ANKS1B: variants seen among roughly 807,000 people sequenced by gnomAD.
ANKS1B encodes ankyrin repeat and sterile alpha motif domain-containing protein 1B.
ANKS1B carries 36 observed loss-of-function variants against 148.3 expected under a neutral mutation model. That is an observed-to-expected ratio of 0.24 (90% CI 0.19 to 0.32). The LOEUF is 0.32. Ranked by LOEUF, ANKS1B falls within the 10% of genes least tolerant of loss-of-function variation. ANKS1B has a pLI of 1.00. For synonymous variants in ANKS1B, 542 were observed against 560.8 expected, an observed-to-expected ratio of 0.97 and a Z score of 0.47; for missense variants, 1,157 against 1,542.6, an observed-to-expected ratio of 0.75 and a Z score of 4.19.
intron 14 of ANKS1B, among the ~76,000 whole-genome samples, chr12:99,167,937 A>C (rs185301864): frequency 9.2e-5 from 14 of 152,364 alleles, no homozygotes; most frequent in Admixed American, 9.2e-4. Context: ...CAGTGAAAGA[A>C]ACCAGACCAA....
intron 15 of ANKS1B, among the ~76,000 whole-genome samples, chr12:99,113,954 T>A (rs2060812323): frequency 6.6e-6 from 1 of 152,182 alleles, no homozygotes; most frequent in Admixed American, 6.5e-5. Flanking sequence ...ATACTCTAGG[T>A]TTTAGCTTCC....
intron 14 of ANKS1B, among the ~76,000 whole-genome samples, chr12:99,156,195 T>C (rs933534856): frequency 6.6e-6 from 1 of 152,114 alleles, no homozygotes. Context: ...CTGAAATCAG[T>C]CCCCAAATTC....
At chr12:98,736,567 A>T (rs57171434) in intron 9 of ANKS1B, among the ~76,000 whole-genome samples, 26,496 of 152,074 alleles carry the variant, frequency 0.17, 3,095 homozygotes, top group African/African-American at 0.34. Flanking sequence ...AAGCTCCACC[A>T]GGAGGTAGAA....
At chr12:99,306,856 T>C (rs1334635166) in intron 12 of ANKS1B, among the ~76,000 whole-genome samples, 1 of 152,062 alleles carries the variant, frequency 6.6e-6, no homozygotes, top group African/African-American at 2.4e-5. Flanking sequence ...CAAGGAAGGA[T>C]TTTATATTTA....
intron 1 of ANKS1B, among the ~76,000 whole-genome samples, chr12:99,844,379 C>T (rs1338250184): frequency 2.0e-5 from 3 of 152,120 alleles, no homozygotes; most frequent in East Asian, 3.8e-4. Context: ...TTAGGCTCTA[C>T]ATTTAAGTCT....
intron 12 of ANKS1B, among the ~76,000 whole-genome samples, chr12:99,303,058 G>C (rs778062676): frequency 6.6e-6 from 1 of 151,976 alleles, no homozygotes; most frequent in Non-Finnish European, 1.5e-5. Context: ...CGCACACACC[G>C]GTCAGAATAG....
chr12:98,955,443 C>A (rs2153098625), intron 17 of ANKS1B, among the ~76,000 whole-genome samples: 1 of 152,170 alleles, frequency 6.6e-6, no homozygotes, highest in East Asian at 1.9e-4. Flanking sequence ...TCAGATATTA[C>A]ATCTCAATAG....
At chr12:99,199,640 GAC>G (rs1402692124) in intron 14 of ANKS1B, among the ~76,000 whole-genome samples, 1 of 152,002 alleles carries the variant, frequency 6.6e-6, no homozygotes, top group African/African-American at 2.4e-5. Flanking sequence ...AAATGAGAAA[GAC>G]ATGACACACT....
At chr12:98,847,431 G>T (rs1401632735) in intron 17 of ANKS1B, among the ~76,000 whole-genome samples, 1 of 152,108 alleles carries the variant, frequency 6.6e-6, no homozygotes, top group Non-Finnish European at 1.5e-5. Flanking sequence ...TGTTGCAAAT[G>T]GCAGGATTTC....
At chr12:99,346,826 G>A (rs1566935042) in intron 12 of ANKS1B, among the ~76,000 whole-genome samples, 1 of 151,912 alleles carries the variant, frequency 6.6e-6, no homozygotes. Flanking sequence ...CTCTGGCCCT[G>A]TAAGACGTGC....
chr12:99,494,896 C>T (rs1247874948), intron 10 of ANKS1B, among the ~76,000 whole-genome samples: 1 of 151,956 alleles, frequency 6.6e-6, no homozygotes, highest in East Asian at 1.9e-4. Context: ...GAGCAGGGAG[C>T]AAGAGGAAGG....
chr12:98,954,551 A>T (rs1365093728), intron 17 of ANKS1B: 1 of 152,230 alleles, frequency 6.6e-6, no homozygotes, highest in Admixed American at 6.5e-5. Flanking sequence ...GTAGAACAAA[A>T]TGGTGTTTAT....
At chr12:99,648,842 T>C (rs548729242) in intron 9 of ANKS1B, 86 of 1,546,282 alleles carry the variant, frequency 5.6e-5, no homozygotes, top group Admixed American at 1.6e-4. Flanking sequence ...GGAGAGCAGG[T>C]ACAGGTCCTG....
intron 1 of ANKS1B, among the ~76,000 whole-genome samples, chr12:99,918,430 G>T (rs1159482721): frequency 6.6e-6 from 1 of 152,114 alleles, no homozygotes; most frequent in Non-Finnish European, 1.5e-5. Context: ...CTTTATTTTG[G>T]TGCCTGATTT....
chr12:99,049,590 GA>G (rs1212978198), intron 17 of ANKS1B, among the ~76,000 whole-genome samples: 1 of 151,990 alleles, frequency 6.6e-6, no homozygotes, highest in Non-Finnish European at 1.5e-5. Flanking sequence ...GCTTTCCTGG[GA>G]AAGCTGGAAA....
chr12:99,802,230 G>A (rs545195819), intron 4 of ANKS1B, among the ~76,000 whole-genome samples: 1 of 152,144 alleles, frequency 6.6e-6, no homozygotes, highest in South Asian at 2.1e-4. Context: ...GTCACATAAA[G>A]TCTAATTGGC....
At chr12:99,709,338 ACT>A (rs2056299928) in intron 8 of ANKS1B, among the ~76,000 whole-genome samples, 2 of 152,096 alleles carry the variant, frequency 1.3e-5, no homozygotes, top group South Asian at 4.1e-4. Flanking sequence ...AATTCAAAAG[ACT>A]CTGAGCAGAT....
chr12:98,829,473 C>T lies in ANKS1B; in HGVS notation c.2887-120G>A. On this transcript the variant is annotated intron_variant, in intron 18 of 26. Coordinates refer to ENST00000683438, the MANE Select transcript of ANKS1B (RefSeq NM_001352186.2). This position sits in a 1 kb window ranked among gnomAD's most constrained non-coding sequence, Gnocchi z 5.2. ...GGGGAGTCGCTTTTGAAGCAACAGC[C>T]AAGGAATGAATGACATTCCACCACT... is the stretch of plus-strand genomic sequence containing the variant. The T allele has an allele frequency of 1.1e-6, 1 of 888,960 alleles. No individual in the cohort carries two copies. The highest frequency in any genetic ancestry group is 1.7e-6 in the Non-Finnish European group (1 of 581,428). 55.1% of individuals were successfully genotyped at this position (888,960 alleles called of 1,614,324 possible).
intron 14 of ANKS1B, among the ~76,000 whole-genome samples, chr12:99,201,128 T>G (rs931376774): frequency 1.9e-4 from 28 of 151,314 alleles, no homozygotes; most frequent in Admixed American, 6.6e-5. Context: ...GAAGAGAGAG[T>G]GGCAGGAAAT....
Sources: allele counts gnomAD v4.1 joint callset (sites outside exome capture counted in the v4.1 genomes callset), GRCh38; gene constraint gnomAD v4.1.1; non-coding constraint Gnocchi (gnomAD v3.1); transcripts MANE v1.5; gene names NCBI Gene and HGNC (gene_info 2026-07-23, HGNC 2026-07-21).